RYR3: variants seen among roughly 807,000 people sequenced by gnomAD.
The protein encoded by RYR3 is ryanodine receptor 3.
A neutral mutation model predicts 584.3 loss-of-function variants in RYR3; 207 were observed. The ratio of observed to expected loss-of-function variants is 0.35; its 90% CI spans 0.32 to 0.40. The LOEUF (loss-of-function observed/expected upper bound fraction) is 0.40. Ranked by LOEUF, RYR3 falls within the 10% of genes least tolerant of loss-of-function variation. The pLI, the probability that RYR3 is intolerant of heterozygous loss-of-function variation, is 1.00. For synonymous variants in RYR3, 2,416 were observed against 2,248.5 expected (o/e 1.07, Z -2.11); for missense variants, 5,616 against 6,089.2 (o/e 0.92, Z 2.59).
intron 33 of RYR3, 29 bp downstream of exon 33, chr15:33,659,835 C>T (rs373402428): frequency 2.1e-6 from 3 of 1,443,712 alleles, no homozygotes; most frequent in Non-Finnish European, 2.9e-6. Flanking sequence ...ATCTAATGGC[C>T]ATGACAAGAG....
At chr15:33,355,845 A>G (rs1399783316) in intron 1 of RYR3, among the ~76,000 whole-genome samples, 1 of 152,144 alleles carries the variant, frequency 6.6e-6, no homozygotes, top group Admixed American at 6.5e-5. Flanking sequence ...TATACTCCCT[A>G]GGTTCCCGCC....
At chr15:33,671,812 T>C (rs868044780) in intron 38 of RYR3, among the ~76,000 whole-genome samples, 284 of 95,554 alleles carry the variant, frequency 3.0e-3, no homozygotes, top group Middle Eastern at 5.7e-3. Context: ...TTTCTTTTTT[T>C]TTTTTTTTTT....
intron 10 of RYR3, among the ~76,000 whole-genome samples, chr15:33,553,807 G>C (rs1327556259): frequency 6.6e-5 from 10 of 152,172 alleles, no homozygotes; most frequent in Admixed American, 5.9e-4. Flanking sequence ...TCTGCTCTCT[G>C]TGAGACCTGG....
intron 42 of RYR3, among the ~76,000 whole-genome samples, chr15:33,704,545 C>A (rs923948296): frequency 3.9e-5 from 6 of 152,188 alleles, no homozygotes; most frequent in Non-Finnish European, 8.8e-5. Context: ...TTCATGGTCT[C>A]TGCATCTAGA....
chr15:33,343,666 G>A (rs1174816918), intron 1 of RYR3, among the ~76,000 whole-genome samples: 1 of 152,064 alleles, frequency 6.6e-6, no homozygotes, highest in Non-Finnish European at 1.5e-5. Context: ...ATTATTTCTT[G>A]TCTACACATC....
chr15:33,550,265 C>A lies in RYR3; in HGVS notation c.921C>A (p.Asp307Glu). The A allele has an allele frequency of 1.2e-6, 2 of 1,613,656 alleles. No homozygotes were observed. The highest frequency in any genetic ancestry group is 1.7e-6 in the Non-Finnish European group (2 of 1,179,744). The change falls in exon 10 of 104, where the codon GAC becomes GAA. Residue 307 changes from aspartate (D) to glutamate (E), a missense_variant. Around this residue, in one of 9 missense-constraint regions of RYR3, gnomAD observed 1,284 missense variants for 1,344.6 expected, o/e 0.95. Transcript: ENST00000634891. ...AAGACCAAGGCCTTATACTGCAAGA[C>A]CGGGCAAAGTCAGACACCAAGTCCA... ...LTEDQGLILQ[D>E]RAKSDTKSTA...
At chr15:33,618,786 A>C (rs2060576357) in intron 19 of RYR3, among the ~76,000 whole-genome samples, 1 of 152,192 alleles carries the variant, frequency 6.6e-6, no homozygotes, top group South Asian at 2.1e-4. Flanking sequence ...TGATAGCCTA[A>C]CGAAAGGAAA....
At chr15:33,546,430 T>G (rs1432715780) in intron 8 of RYR3, among the ~76,000 whole-genome samples, 3 of 152,122 alleles carry the variant, frequency 2.0e-5, no homozygotes, top group Non-Finnish European at 4.4e-5. Flanking sequence ...TAAAGCAACG[T>G]CAGATTTTCT....
chr15:33,534,231 A>T (rs1836548), intron 5 of RYR3, among the ~76,000 whole-genome samples: 129,789 of 152,096 alleles, frequency 0.85, 55,889 homozygotes, highest in Middle Eastern at 0.97. Context: ...TGAAACCCCG[A>T]CTCTATTAAA....
At chr15:33,532,624 A>G (rs773170328) in intron 4 of RYR3, among the ~76,000 whole-genome samples, 3 of 152,238 alleles carry the variant, frequency 2.0e-5, no homozygotes, top group Non-Finnish European at 4.4e-5. Context: ...TATATAAAAT[A>G]GCAGTATCAA....
intron 49 of RYR3, among the ~76,000 whole-genome samples, chr15:33,737,161 A>G (rs1260856661): frequency 6.6e-6 from 1 of 152,120 alleles, no homozygotes; most frequent in Non-Finnish European, 1.5e-5. Context: ...TGGCACAGCC[A>G]CGGCTTACTG....
At position 33,821,400 on chromosome 15, in the gene RYR3, G is replaced by T. The variant is rs74008336; in HGVS notation, c.10915+31G>T. The T allele has an allele frequency of 5.9e-5, 93 of 1,586,554 alleles. No homozygotes were observed. The African/African-American group carries it at 1.1e-3, about 19-fold the overall frequency. On this transcript the variant is annotated intron_variant, in intron 79 of 103. Coordinates refer to ENST00000634891, the MANE Select transcript of RYR3 (RefSeq NM_001036.6). ...TTCCCTAGTTTCTGGATGGGCTTAT[G>T]TAACTTCCACAAAGATATCATGCTG...
chr15:33,602,795 G>C (rs191563455), intron 17 of RYR3, among the ~76,000 whole-genome samples: 1 of 140,822 alleles, frequency 7.1e-6, no homozygotes, highest in African/African-American at 2.7e-5. Context: ...GCCCAGGCTG[G>C]AGTGCGGTGG....
At chr15:33,726,633 C>G in intron 46 of RYR3, 127 bp downstream of exon 46, 1 of 983,160 alleles carries the variant, frequency 1.0e-6, no homozygotes, top group Non-Finnish European at 1.4e-6. Context: ...GGGCAAGTGT[C>G]TCACTCTTTT....
At chr15:33,410,808 A>G (rs1207720798) in intron 1 of RYR3, among the ~76,000 whole-genome samples, 1 of 152,200 alleles carries the variant, frequency 6.6e-6, no homozygotes, top group Non-Finnish European at 1.5e-5. Flanking sequence ...TGGGTAATTT[A>G]TAAAGGAAAG....
At chr15:33,610,348 C>T (rs2060118932) in intron 18 of RYR3, among the ~76,000 whole-genome samples, 1 of 152,204 alleles carries the variant, frequency 6.6e-6, no homozygotes, top group African/African-American at 2.4e-5. Flanking sequence ...TAGAAGGCAA[C>T]ACATACGTAC....
intron 60 of RYR3, among the ~76,000 whole-genome samples, chr15:33,758,643 A>G (rs2072109878): frequency 6.6e-6 from 1 of 152,174 alleles, no homozygotes; most frequent in African/African-American, 2.4e-5. Context: ...AGGCAGCCCC[A>G]ATCCGGATTG....
chr15:33,388,169 A>G (rs2041756768), intron 1 of RYR3, among the ~76,000 whole-genome samples: 1 of 152,210 alleles, frequency 6.6e-6, no homozygotes, highest in African/African-American at 2.4e-5. Flanking sequence ...GCAAAAGATC[A>G]GGAACCATAG....
At chr15:33,573,336 C>A (rs189014229) in intron 12 of RYR3, among the ~76,000 whole-genome samples, 1 of 152,078 alleles carries the variant, frequency 6.6e-6, no homozygotes, top group Non-Finnish European at 1.5e-5. Flanking sequence ...TTTTGAGAAA[C>A]CAACTTTGTA....
Sources: gnomAD v4.1 joint callset for allele counts (sites outside exome capture counted in the v4.1 genomes callset) on GRCh38, gnomAD v4.1.1 for gene constraint, gnomAD v4.1.1 regional missense constraint, MANE v1.5 for transcripts, NCBI Gene and HGNC (gene_info 2026-07-23, HGNC 2026-07-21) for gene names.